GPATCH2: variants seen among roughly 807,000 people sequenced by gnomAD.
GPATCH2 encodes the protein G-patch domain containing 2, also known as G patch domain-containing protein 2.
GPATCH2 carries 51 observed loss-of-function variants against 58.0 expected under a neutral mutation model. The observed-to-expected ratio is 0.88, with a 90% confidence interval of 0.70 to 1.11. GPATCH2 has a LOEUF of 1.11. Among genes scored for constraint, GPATCH2 ranks in the 50% most tolerant of loss-of-function variants. GPATCH2 has a pLI of 0.00. For missense variants in GPATCH2, 625 were observed against 652.2 expected, an observed-to-expected ratio of 0.96 and a Z score of 0.45; for synonymous variants, 222 against 218.5, an observed-to-expected ratio of 1.02 and a Z score of -0.14.
At chr1:217,583,692 C>T (rs1452611967) in intron 5 of GPATCH2, among the ~76,000 whole-genome samples, 1 of 148,738 alleles carries the variant, frequency 6.7e-6, no homozygotes, top group African/African-American at 2.5e-5. Context: ...ACAGGAAGCA[C>T]AACATAAAAA....
At position 217,427,841 on chromosome 1, in the gene GPATCH2, G is replaced by T. The variant is rs1203219919; in HGVS notation, c.*3304C>A. 6.6e-6 allele frequency: 1 copy of T among 152,056 alleles called. No individual in the cohort carries two copies. The highest frequency in any genetic ancestry group is 1.5e-5 in the Non-Finnish European group (1 of 67,986). The allele number at this position is 152,056 out of a possible 1,614,324, so 9.4% of individuals were successfully genotyped here. On this transcript the variant is annotated 3_prime_UTR_variant, in exon 10 of 10. Coordinates refer to ENST00000366935, the MANE Select transcript of GPATCH2 (RefSeq NM_018040.5). Reference sequence around the variant, plus strand: ...AAACATTAATAAAATGCAGTATTTTGTAATTATGTCTGTATACTGCACACA... The same window carrying T: ...AAACATTAATAAAATGCAGTATTTTTTAATTATGTCTGTATACTGCACACA...
intron 5 of GPATCH2, among the ~76,000 whole-genome samples, chr1:217,544,703 C>G (rs568097246): frequency 6.6e-6 from 1 of 152,364 alleles, no homozygotes; most frequent in East Asian, 1.9e-4. Context: ...CGGTTCTTCA[C>G]ATAAGGCATT....
chr1:217,544,754 C>T (rs1191629815), intron 5 of GPATCH2, among the ~76,000 whole-genome samples: 1 of 152,176 alleles, frequency 6.6e-6, no homozygotes, highest in Non-Finnish European at 1.5e-5. Flanking sequence ...TCATCACCTC[C>T]CTGCCATCCC....
At chr1:217,530,179 G>C (rs1433183259) in intron 5 of GPATCH2, among the ~76,000 whole-genome samples, 1 of 152,088 alleles carries the variant, frequency 6.6e-6, no homozygotes, top group Non-Finnish European at 1.5e-5. Context: ...GAAATTTGTG[G>C]ATTTCATCAT....
At chr1:217,443,029 CT>C (rs1423598957) in intron 9 of GPATCH2, among the ~76,000 whole-genome samples, 1 of 152,150 alleles carries the variant, frequency 6.6e-6, no homozygotes, top group Non-Finnish European at 1.5e-5. Flanking sequence ...TGTTTATTCT[CT>C]CACATTTTAC....
At chr1:217,559,654 C>G (rs1665820467) in intron 5 of GPATCH2, among the ~76,000 whole-genome samples, 1 of 152,128 alleles carries the variant, frequency 6.6e-6, no homozygotes, top group Admixed American at 6.5e-5. Flanking sequence ...CCCAAGAGAG[C>G]CCAAGCCTGG....
chr1:217,599,512 T>C (rs1470319458), intron 5 of GPATCH2, among the ~76,000 whole-genome samples: 1 of 152,204 alleles, frequency 6.6e-6, no homozygotes, highest in Non-Finnish European at 1.5e-5. Flanking sequence ...AACCAAATGT[T>C]ACACTGAAGG....
At chr1:217,431,439 T>C in intron 9 of GPATCH2, 74 bp from the exon 10 acceptor site, 1 of 869,070 alleles carries the variant, frequency 1.2e-6, no homozygotes, top group Non-Finnish European at 2.0e-6. Flanking sequence ...GAAAACGATG[T>C]TCTCCTAAGT....
chr1:217,497,303 T>G (rs1254036863), intron 7 of GPATCH2, among the ~76,000 whole-genome samples: 1 of 152,192 alleles, frequency 6.6e-6, no homozygotes, highest in East Asian at 1.9e-4. Flanking sequence ...TAGATGTAGC[T>G]TAGCTTAGTT....
chr1:217,588,803 C>T (rs1441154264), intron 5 of GPATCH2, among the ~76,000 whole-genome samples: 2 of 152,110 alleles, frequency 1.3e-5, no homozygotes, highest in Non-Finnish European at 2.9e-5. Context: ...TAAGAAAAAT[C>T]TACCCCCTTT....
chr1:217,547,347 C>T (rs528848219), intron 5 of GPATCH2, among the ~76,000 whole-genome samples: 20 of 111,124 alleles, frequency 1.8e-4, no homozygotes, highest in Admixed American at 1.1e-3. Flanking sequence ...TGGGTGACAG[C>T]GCAAAAAAAA....
At chr1:217,618,749 CA>C (rs1425847826) in intron 2 of GPATCH2, among the ~76,000 whole-genome samples, 8 of 152,010 alleles carry the variant, frequency 5.3e-5, no homozygotes, top group African/African-American at 1.9e-4. Flanking sequence ...CACTTGAGGT[CA>C]GGGGTTGAAG....
intron 9 of GPATCH2, among the ~76,000 whole-genome samples, chr1:217,445,896 A>G (rs967704170): frequency 1.3e-5 from 2 of 152,144 alleles, no homozygotes; most frequent in African/African-American, 4.8e-5. Context: ...AACGTAATCA[A>G]TTCTGGGTTA....
intron 5 of GPATCH2, among the ~76,000 whole-genome samples, chr1:217,604,704 C>T (rs1044747336): frequency 5.9e-5 from 9 of 152,148 alleles, no homozygotes; most frequent in South Asian, 2.1e-4. Flanking sequence ...GACTATCAAG[C>T]GCCCTTATGT....
chr1:217,512,027 T>A (rs773928825), intron 6 of GPATCH2, among the ~76,000 whole-genome samples: 3 of 152,106 alleles, frequency 2.0e-5, no homozygotes, highest in Non-Finnish European at 2.9e-5. Context: ...CAAATGAACC[T>A]ATAAAACATT....
At position 217,612,510 on chromosome 1, in the gene GPATCH2, C is replaced by T. The variant is rs549532822; in HGVS notation, c.836-1439G>A. ...ATTTCAAAAATTAGAGTCATCAGCT[C>T]GTTTCTACTGGGGAATTAATTAAAA... On this transcript the variant is annotated intron_variant, in intron 3 of 9. Coordinates refer to ENST00000366935, the MANE Select transcript of GPATCH2 (RefSeq NM_018040.5). Among the ~76,000 whole-genome samples the T allele has an allele frequency of 3.3e-4, 50 of 152,126 alleles. 1 individual carries two copies. The highest frequency in any genetic ancestry group is 1.0e-3 in the African/African-American group (43 of 41,516).
At chr1:217,470,474 C>CT (rs1290217304) in intron 8 of GPATCH2, among the ~76,000 whole-genome samples, 3 of 152,074 alleles carry the variant, frequency 2.0e-5, no homozygotes, top group African/African-American at 4.8e-5. Flanking sequence ...TGTCAAATTC[C>CT]TTTTTTTCTG....
At chr1:217,630,195 G>A (rs550890258) in intron 1 of GPATCH2, among the ~76,000 whole-genome samples, 1 of 152,272 alleles carries the variant, frequency 6.6e-6, no homozygotes, top group African/African-American at 2.4e-5. Flanking sequence ...AAAATGTACA[G>A]GGCAACTTTG....
rs954905725 is a variant in GPATCH2 at position 217,572,256 on chromosome 1, T to A, written c.1098+38065A>T. 5.9e-5 allele frequency among the ~76,000 whole-genome samples: 9 copies of A among 152,056 alleles called. No homozygotes were observed. The South Asian group carries it at 8.3e-4, about 14-fold the overall frequency. ...ATTTAGGTCTTGTGAAAAGGGGGAATCTAACTTATTCTGTGTAACTCGAGA... is the reference window on the plus strand; with the variant it reads ...ATTTAGGTCTTGTGAAAAGGGGGAAACTAACTTATTCTGTGTAACTCGAGA... On this transcript the variant is annotated intron_variant, in intron 5 of 9. Transcript: ENST00000366935.
Sources: allele counts gnomAD v4.1 joint callset (sites outside exome capture counted in the v4.1 genomes callset), GRCh38; gene constraint gnomAD v4.1.1; transcripts MANE v1.5; gene names NCBI Gene and HGNC (gene_info 2026-07-23, HGNC 2026-07-21).